METTL15: variants seen among roughly 807,000 people sequenced by gnomAD.
METTL15 encodes the protein 12S rRNA N(4)-cytidine methyltransferase METTL15.
METTL15 carries 34 observed loss-of-function variants against 38.3 expected under a neutral mutation model. That is an observed-to-expected ratio of 0.89 (90% CI 0.68 to 1.18). The LOEUF is 1.18. Ranked by LOEUF, METTL15 falls within the 50% of genes most tolerant of loss-of-function variation. METTL15 has a pLI of 0.00. For missense variants in METTL15, 438 were observed against 498.4 expected (o/e 0.88, Z 1.15); for synonymous variants, 162 against 170.9 (o/e 0.95, Z 0.41).
intron 6 of METTL15, among the ~76,000 whole-genome samples, chr11:28,324,176 A>G (rs1432079644): frequency 6.6e-6 from 1 of 152,218 alleles, no homozygotes; most frequent in African/African-American, 2.4e-5. Context: ...AGAATTGAGA[A>G]AATTTGTGGT....
intron 5 of METTL15, among the ~76,000 whole-genome samples, chr11:28,399,836 C>T (rs1590361674): frequency 6.6e-6 from 1 of 151,814 alleles, no homozygotes; most frequent in East Asian, 1.9e-4. Context: ...TTTAGTCATT[C>T]CCAAAGTCCT....
intron 4 of METTL15, among the ~76,000 whole-genome samples, chr11:28,237,948 G>T (rs1854086244): frequency 1.3e-5 from 2 of 152,148 alleles, no homozygotes; most frequent in Admixed American, 6.5e-5. Flanking sequence ...GCTGCTGTCT[G>T]ATCATTCCTC....
chr11:28,378,990 T>G (rs985862768), intron 5 of METTL15, among the ~76,000 whole-genome samples: 1 of 151,978 alleles, frequency 6.6e-6, no homozygotes, highest in Non-Finnish European at 1.5e-5. Flanking sequence ...TTTCCTAGGT[T>G]TTCTAATTTA....
chr11:28,328,293 G>T, intron 6 of METTL15: 1 of 786,970 alleles, frequency 1.3e-6, no homozygotes. Context: ...TTTTATAGAG[G>T]AAAGAACCAT....
Position 28,328,684 on chromosome 11 carries a change from TG to T in METTL15, c.779-1710del, listed in dbSNP as rs1849718106. On this transcript the variant is annotated intron_variant, in intron 6 of 6. Coordinates refer to ENST00000407364, the MANE Select transcript of METTL15 (RefSeq NM_001113528.2). ...CATTAATATCTTGTTTGTATGCCAG[TG>T]GTTATAAGCTTAAGGAAAATTATAT... 3.3e-5 allele frequency among the ~76,000 whole-genome samples: 5 copies of T among 152,086 alleles called. No homozygotes were observed. The South Asian group carries it at 1.0e-3, about 32-fold the overall frequency.
At chr11:28,246,781 AG>A (rs1854531704) in intron 4 of METTL15, among the ~76,000 whole-genome samples, 1 of 152,142 alleles carries the variant, frequency 6.6e-6, no homozygotes, top group African/African-American at 2.4e-5. Flanking sequence ...TCTGTGAGCA[AG>A]GGTTACCATA....
At chr11:28,468,942 C>A (rs1485163991) in intron 6 of METTL15, among the ~76,000 whole-genome samples, 2 of 152,154 alleles carry the variant, frequency 1.3e-5, no homozygotes, top group Admixed American at 1.3e-4. Flanking sequence ...GAAAATTGGA[C>A]TGAGAATTGA....
chr11:28,252,846 C>T (rs1230268859), intron 4 of METTL15, among the ~76,000 whole-genome samples: 1 of 152,078 alleles, frequency 6.6e-6, no homozygotes, highest in Non-Finnish European at 1.5e-5. Flanking sequence ...ACTTTCTTTC[C>T]ACTCCTGCAA....
At chr11:28,506,993 C>T (rs1207071232) in intron 6 of METTL15, among the ~76,000 whole-genome samples, 1 of 152,130 alleles carries the variant, frequency 6.6e-6, no homozygotes, top group East Asian at 1.9e-4. Context: ...GATCTGCCTA[C>T]TTCAGCCTCC....
At chr11:28,167,929 A>G (rs1248122819) in intron 3 of METTL15, among the ~76,000 whole-genome samples, 2 of 152,074 alleles carry the variant, frequency 1.3e-5, no homozygotes, top group East Asian at 3.9e-4. Context: ...CAAAAATTGC[A>G]TTGATTTTAT....
intron 3 of METTL15, among the ~76,000 whole-genome samples, chr11:28,137,382 ACTTT>A (rs1394348082): frequency 6.6e-6 from 1 of 152,214 alleles, no homozygotes; most frequent in Non-Finnish European, 1.5e-5. Context: ...AACACATTTT[ACTTT>A]CTTTATGCAC....
chr11:28,438,869 G>C (rs1590375288), intron 6 of METTL15, among the ~76,000 whole-genome samples: 1 of 151,602 alleles, frequency 6.6e-6, no homozygotes, highest in South Asian at 2.1e-4. Context: ...AGACGGGGGG[G>C]TTTCACCATG....
In METTL15 at chr11:28,330,978, C is replaced by G. The variant is rs573905464; in HGVS notation, c.*137C>G. ...TGATAGCATTTAGCATTTCTTTTTT[C>G]TCAAAAAGAAACTGTAGGAAATACA... On this transcript the variant is annotated 3_prime_UTR_variant, in exon 7 of 7. Coordinates refer to ENST00000407364, the MANE Select transcript of METTL15 (RefSeq NM_001113528.2). 2.8e-3 allele frequency: 1,749 copies of G among 620,116 alleles called. 9 individuals are homozygous for G. Among genetic ancestry groups the G allele is most frequent in the African/African-American group, 0.019 (978 of 51,604 alleles). The allele number at this position is 620,116 out of a possible 1,614,324, so 38.4% of individuals were successfully genotyped here. A position where few individuals can be genotyped will look rare whatever the true frequency, so the allele number is the denominator to read the frequency against.
At chr11:28,137,886 A>G (rs1311588089) in intron 3 of METTL15, among the ~76,000 whole-genome samples, 1 of 151,994 alleles carries the variant, frequency 6.6e-6, no homozygotes, top group African/African-American at 2.4e-5. Flanking sequence ...CACATAACAC[A>G]TGTATGATTA....
intron 3 of METTL15, among the ~76,000 whole-genome samples, chr11:28,149,275 T>A (rs1371097390): frequency 6.6e-6 from 1 of 151,762 alleles, no homozygotes; most frequent in Non-Finnish European, 1.5e-5. Context: ...ATAAAGTGTT[T>A]AACTGACAGT....
chr11:28,238,437 G>A (rs904834913), intron 4 of METTL15, among the ~76,000 whole-genome samples: 3 of 152,190 alleles, frequency 2.0e-5, no homozygotes, highest in African/African-American at 4.8e-5. Flanking sequence ...CTCCTGGTGC[G>A]CCGTTTCCTA....
At chr11:28,311,820 A>T (rs1255641275) in intron 6 of METTL15, among the ~76,000 whole-genome samples, 1 of 152,356 alleles carries the variant, frequency 6.6e-6, no homozygotes, top group East Asian at 1.9e-4. Flanking sequence ...TTAGTGGGTA[A>T]TTGAGTGAGT....
At chr11:28,290,544 T>G in intron 5 of METTL15, 147 bp downstream of exon 5, 1 of 689,694 alleles carries the variant, frequency 1.4e-6, no homozygotes, top group Non-Finnish European at 2.4e-6. Flanking sequence ...TGTTTCATAC[T>G]CATTATACAC....
At chr11:28,245,972 G>T (rs993677915) in intron 4 of METTL15, among the ~76,000 whole-genome samples, 1 of 152,116 alleles carries the variant, frequency 6.6e-6, no homozygotes, top group Non-Finnish European at 1.5e-5. Flanking sequence ...CATGAGATTT[G>T]GGTGGGGACA....
Sources: gnomAD v4.1 joint callset for allele counts (sites outside exome capture counted in the v4.1 genomes callset) on GRCh38, gnomAD v4.1.1 for gene constraint, MANE v1.5 for transcripts, NCBI Gene and HGNC (gene_info 2026-07-23, HGNC 2026-07-21) for gene names.